PAPPA2: variants seen among roughly 807,000 people sequenced by gnomAD.
PAPPA2 encodes pappalysin-2.
PAPPA2 carries 86 observed loss-of-function variants against 176.4 expected under a neutral mutation model. That is an observed-to-expected ratio of 0.49 (90% CI 0.41 to 0.58). PAPPA2 has a LOEUF of 0.58. Ranked by LOEUF, PAPPA2 falls within the 20% of genes least tolerant of loss-of-function variation. The pLI is 0.00. For synonymous variants in PAPPA2, 809 were observed against 852.2 expected, an observed-to-expected ratio of 0.95 and a Z score of 0.88; for missense variants, 2,073 against 2,256.9, an observed-to-expected ratio of 0.92 and a Z score of 1.65.
chr1:176,592,318 A>C (rs928389497), intron 2 of PAPPA2, among the ~76,000 whole-genome samples: 1 of 152,170 alleles, frequency 6.6e-6, no homozygotes, highest in Non-Finnish European at 1.5e-5. Context: ...TAATCATTCA[A>C]AATAATACTT....
chr1:176,522,760 T>A lies in PAPPA2; in HGVS notation c.-916-32647T>A, dbSNP rs528087639. 3.9e-5 allele frequency among the ~76,000 whole-genome samples: 6 copies of A among 152,316 alleles called. No homozygotes were observed. In the East Asian group the frequency reaches 1.2e-3, roughly 29 times the overall value. On this transcript the variant is annotated intron_variant, in intron 1 of 22. Transcript: ENST00000367662. ...AGATGATGTCCTGGTAGGTGCCCTT[T>A]AGGGTGTTGTTTCTTTCTAACTCTT...
rs1475032780 is a variant in PAPPA2, at chr1:176,695,789, G to A, written c.2676G>A (p.Gln892=). The part of the protein sequence containing the change: ...GACTEDGTFR[Q]YVHTASSRRV... ...GCACTGAAGATGGGACCTTTCGTCA[G>A]TATGTGCACACAGCTTCCTCCCGGC... is the stretch of plus-strand genomic sequence containing the variant. The change falls in exon 7 of 23, where the codon CAG becomes CAA. Residue 892 remains glutamine (Q), a synonymous_variant. Coordinates refer to ENST00000367662, the MANE Select transcript of PAPPA2 (RefSeq NM_020318.3). The A allele has an allele frequency of 6.2e-7, 1 of 1,614,122 alleles. No individual in the cohort carries two copies. The highest frequency in any genetic ancestry group is 8.5e-7 in the Non-Finnish European group (1 of 1,180,012).
chr1:176,542,863 C>T (rs930416296), intron 1 of PAPPA2, among the ~76,000 whole-genome samples: 5 of 152,202 alleles, frequency 3.3e-5, no homozygotes, highest in African/African-American at 9.7e-5. Context: ...ACATGAACCA[C>T]GTTTCATCAG....
At chr1:176,681,042 G>A (rs1285924732) in intron 4 of PAPPA2, among the ~76,000 whole-genome samples, 1 of 151,862 alleles carries the variant, frequency 6.6e-6, no homozygotes, top group Non-Finnish European at 1.5e-5. Flanking sequence ...TGTTGAGCTA[G>A]GGGTCTCTAA....
At chr1:176,512,165 A>G (rs1471206524) in intron 1 of PAPPA2, among the ~76,000 whole-genome samples, 1 of 149,838 alleles carries the variant, frequency 6.7e-6, no homozygotes, top group Non-Finnish European at 1.5e-5. Context: ...ATTCATCGGG[A>G]AAAGCAATTA....
chr1:176,767,813 C>CA (rs1342427233), intron 15 of PAPPA2, among the ~76,000 whole-genome samples: 1 of 152,220 alleles, frequency 6.6e-6, no homozygotes, highest in Non-Finnish European at 1.5e-5. Flanking sequence ...AACGTGCTGT[C>CA]ACCTCAGGCT....
Position 176,699,393 on chromosome 1 carries a change from G to C in PAPPA2, c.3040G>C (p.Asp1014His). Residue 1014 changes from aspartate to histidine, a missense_variant, in exon 8 of 23, where the codon GAT becomes CAT. Physicochemically the swap from Asp to His is moderately conservative, Grantham distance 81. This residue lies in a region of PAPPA2 where 1,196 missense variants were observed against 1,330.4 expected (regional missense o/e 0.90). Coordinates refer to ENST00000367662, the MANE Select transcript of PAPPA2 (RefSeq NM_020318.3). ...DIPLTIKLHV[D>H]GKVSGVKVYT... ...CCCACTCACCATCAAACTGCACGTG[G>C]ATGGGAAGGTGTCGGGGGTGAAAGT... 6.2e-7 allele frequency: 1 copy of C among 1,614,170 alleles called. No individual in the cohort carries two copies. Among genetic ancestry groups the C allele is most frequent in the Non-Finnish European group, 8.5e-7 (1 of 1,180,014 alleles).
intron 1 of PAPPA2, among the ~76,000 whole-genome samples, chr1:176,539,936 A>C (rs981528808): frequency 6.6e-6 from 1 of 152,234 alleles, no homozygotes; most frequent in African/African-American, 2.4e-5. Flanking sequence ...CTATTCAAAT[A>C]GTATTTGTTT....
intron 21 of PAPPA2, among the ~76,000 whole-genome samples, chr1:176,811,428 G>A (rs536374115): frequency 8.5e-5 from 13 of 152,190 alleles, no homozygotes; most frequent in African/African-American, 2.9e-4. Flanking sequence ...CACATCTTCA[G>A]GGCTGATTTT....
intron 2 of PAPPA2, among the ~76,000 whole-genome samples, chr1:176,581,090 T>C (rs1036624924): frequency 6.6e-6 from 1 of 152,196 alleles, no homozygotes; most frequent in Admixed American, 6.5e-5. Context: ...AGCTTTGTCG[T>C]TTTGTGTCTT....
At chr1:176,478,694 A>C (rs182859072) in intron 1 of PAPPA2, among the ~76,000 whole-genome samples, 20 of 152,292 alleles carry the variant, frequency 1.3e-4, no homozygotes, top group Admixed American at 5.2e-4. Flanking sequence ...AAAACAGAGA[A>C]TGGCCAGGGA....
intron 3 of PAPPA2, among the ~76,000 whole-genome samples, chr1:176,614,900 T>C (rs1048770590): frequency 3.3e-5 from 5 of 152,082 alleles, no homozygotes; most frequent in African/African-American, 1.2e-4. Flanking sequence ...GCATGTAAAA[T>C]ATTAGATGTC....
chr1:176,759,340 G>T (rs551360243), intron 14 of PAPPA2, among the ~76,000 whole-genome samples: 1 of 152,140 alleles, frequency 6.6e-6, no homozygotes, highest in African/African-American at 2.4e-5. Context: ...TTTAATACAA[G>T]AAATTTGAGT....
At chr1:176,626,738 T>C (rs992883240) in intron 3 of PAPPA2, among the ~76,000 whole-genome samples, 1 of 151,964 alleles carries the variant, frequency 6.6e-6, no homozygotes, top group Non-Finnish European at 1.5e-5. Context: ...AGCATGAGGA[T>C]TAGGGAGGAC....
At position 176,793,950 on chromosome 1, in the gene PAPPA2, C is replaced by G. The variant is rs1473492666; in HGVS notation, c.5130+281C>G. Among the ~76,000 whole-genome samples the G allele has an allele frequency of 2.0e-5, 3 of 152,048 alleles. No individual in the cohort carries two copies. In the East Asian group the frequency reaches 5.8e-4, roughly 29 times the overall value. On this transcript the variant is annotated intron_variant, in intron 20 of 22. Transcript: ENST00000367662. ...TCTACTAAAAATACAAAAAATTAGCCCAGTGTGGTGGCGGGTGCCTGTAGT... is the reference window on the plus strand; with the variant it reads ...TCTACTAAAAATACAAAAAATTAGCGCAGTGTGGTGGCGGGTGCCTGTAGT...
intron 3 of PAPPA2, among the ~76,000 whole-genome samples, chr1:176,595,878 T>C (rs1218105073): frequency 6.6e-6 from 1 of 152,146 alleles, no homozygotes; most frequent in Non-Finnish European, 1.5e-5. Context: ...CACCAGGTAC[T>C]TGGGACACAG....
intron 20 of PAPPA2, among the ~76,000 whole-genome samples, chr1:176,796,474 C>T (rs2102944509): frequency 6.6e-6 from 1 of 152,300 alleles, no homozygotes; most frequent in Non-Finnish European, 1.5e-5. Context: ...GAGCAATTTT[C>T]TGTTAGCCTT....
intron 1 of PAPPA2, among the ~76,000 whole-genome samples, chr1:176,547,140 T>C (rs757708286): frequency 6.6e-6 from 1 of 152,212 alleles, no homozygotes; most frequent in Non-Finnish European, 1.5e-5. Flanking sequence ...CTTTGGATAA[T>C]CTGTGTGATA....
intron 17 of PAPPA2, among the ~76,000 whole-genome samples, chr1:176,773,993 A>G (rs1664344508): frequency 6.6e-6 from 1 of 152,134 alleles, no homozygotes; most frequent in African/African-American, 2.4e-5. Context: ...AGACACATAA[A>G]TAAGACCTGG....
Sources: allele counts gnomAD v4.1 joint callset (sites outside exome capture counted in the v4.1 genomes callset), GRCh38; gene constraint gnomAD v4.1.1; regional missense constraint gnomAD v4.1.1; transcripts MANE v1.5; gene names NCBI Gene and HGNC (gene_info 2026-07-23, HGNC 2026-07-21).